The following CCSER1 variants were observed in gnomAD, a reference collection of about 807,000 sequenced individuals.
CCSER1 encodes serine-rich coiled-coil domain-containing protein 1.
A neutral mutation model predicts 82.0 loss-of-function variants in CCSER1; 41 were observed. That is an observed-to-expected ratio of 0.50 (90% CI 0.39 to 0.65). CCSER1 has a LOEUF of 0.65. Ranked by LOEUF, CCSER1 falls within the 30% of genes least tolerant of loss-of-function variation. The probability of loss-of-function intolerance (pLI) is 0.00; values close to 1 mark genes in which losing one functional copy is unlikely to be tolerated. For missense variants in CCSER1, 1,119 were observed against 1,064.2 expected, an observed-to-expected ratio of 1.05 and a Z score of -0.72; for synonymous variants, 414 against 383.9, an observed-to-expected ratio of 1.08 and a Z score of -0.92.
chr4:90,548,180 G>C (rs1476258458), intron 5 of CCSER1, among the ~76,000 whole-genome samples: 1 of 152,140 alleles, frequency 6.6e-6, no homozygotes, highest in Non-Finnish European at 1.5e-5. Flanking sequence ...GTCTGGATTT[G>C]TTAGAAAACA....
Position 90,582,727 on chromosome 4 carries a change from A to G in CCSER1, c.1725-45298A>G, listed in dbSNP as rs148539413. On this transcript the variant is annotated intron_variant, in intron 5 of 10. Coordinates refer to ENST00000509176, the MANE Select transcript of CCSER1 (RefSeq NM_001145065.2). ...AAGTAATTCAAATGCAATAATCTGT[A>G]GGAGACATGGATATTTAAAGTAACC... Among the ~76,000 whole-genome samples, 27 of 152,296 alleles carry G rather than the reference A, an allele frequency of 1.8e-4. No individual in the cohort carries two copies. In the East Asian group the frequency reaches 5.2e-3, roughly 29 times the overall value.
At chr4:90,208,970 G>T (rs937197096) in intron 1 of CCSER1, among the ~76,000 whole-genome samples, 6 of 152,160 alleles carry the variant, frequency 3.9e-5, no homozygotes, top group African/African-American at 1.4e-4. Context: ...CAGCCACCGA[G>T]TGCCAAACAT....
intron 10 of CCSER1, among the ~76,000 whole-genome samples, chr4:91,121,621 T>C (rs1727096576): frequency 6.6e-6 from 1 of 151,704 alleles, no homozygotes; most frequent in South Asian, 2.1e-4. Context: ...ATATGCACTA[T>C]TAACTTAGTA....
At chr4:90,786,204 C>T (rs1387377391) in intron 7 of CCSER1, among the ~76,000 whole-genome samples, 1 of 152,134 alleles carries the variant, frequency 6.6e-6, no homozygotes, top group Admixed American at 6.5e-5. Flanking sequence ...GGAAGCGCAA[C>T]TGAAGTGATT....
chr4:90,623,690 C>A (rs867434347), intron 5 of CCSER1, among the ~76,000 whole-genome samples: 2 of 152,274 alleles, frequency 1.3e-5, no homozygotes, highest in Non-Finnish European at 1.5e-5. Flanking sequence ...CTGATTGCAT[C>A]TCTTCTGGAA....
At chr4:90,163,192 A>G (rs1422033865) in intron 1 of CCSER1, among the ~76,000 whole-genome samples, 1 of 152,104 alleles carries the variant, frequency 6.6e-6, no homozygotes, top group Non-Finnish European at 1.5e-5. Context: ...TTGTTAGTTT[A>G]TGATGCTAAA....
intron 10 of CCSER1, among the ~76,000 whole-genome samples, chr4:91,502,697 A>G (rs1303874209): frequency 6.6e-6 from 1 of 152,244 alleles, no homozygotes; most frequent in Non-Finnish European, 1.5e-5. Context: ...TCATTGTTAA[A>G]GAATGAAATA....
At chr4:91,559,025 A>G (rs1469883264) in intron 10 of CCSER1, among the ~76,000 whole-genome samples, 1 of 151,348 alleles carries the variant, frequency 6.6e-6, no homozygotes, top group African/African-American at 2.4e-5. Context: ...AGAAGTGTCA[A>G]CTCCACATTG....
intron 7 of CCSER1, among the ~76,000 whole-genome samples, chr4:90,749,780 G>A (rs1364281932): frequency 6.6e-6 from 1 of 151,944 alleles, no homozygotes; most frequent in Non-Finnish European, 1.5e-5. Flanking sequence ...ATAGCAGCAT[G>A]ATTTACAGTC....
intron 8 of CCSER1, among the ~76,000 whole-genome samples, chr4:90,854,087 T>C (rs1388954196): frequency 6.6e-6 from 1 of 152,186 alleles, no homozygotes; most frequent in Non-Finnish European, 1.5e-5. Flanking sequence ...TACAATGAAC[T>C]GAAATATTCC....
intron 2 of CCSER1, among the ~76,000 whole-genome samples, chr4:90,310,498 A>G (rs1735105782): frequency 6.6e-6 from 1 of 152,134 alleles, no homozygotes; most frequent in Admixed American, 6.6e-5. Flanking sequence ...ATTAATTAAA[A>G]TGATTGAAAT....
chr4:91,411,748 CA>C (rs34870361), intron 10 of CCSER1, among the ~76,000 whole-genome samples: 111,435 of 144,654 alleles, frequency 0.77, 43,280 homozygotes, highest in African/African-American at 0.9. Flanking sequence ...GCTAGTGGCA[CA>C]AAAAAAAAAT....
chr4:91,179,389 A>C (rs187967404), intron 10 of CCSER1, among the ~76,000 whole-genome samples: 24 of 152,304 alleles, frequency 1.6e-4, no homozygotes, highest in African/African-American at 5.5e-4. Context: ...TAATATCCTG[A>C]AGAGTGTTTT....
At chr4:90,780,451 C>T (rs931678716) in intron 7 of CCSER1, 2 of 1,611,534 alleles carry the variant, frequency 1.2e-6, no homozygotes, top group African/African-American at 2.7e-5. Flanking sequence ...GACCACATAC[C>T]CTAGGGAATT....
intron 10 of CCSER1, among the ~76,000 whole-genome samples, chr4:91,383,207 T>C (rs964771079): frequency 2.6e-5 from 4 of 152,162 alleles, no homozygotes; most frequent in Non-Finnish European, 4.4e-5. Flanking sequence ...TGTATGCCTG[T>C]ATTGTGCATT....
intron 1 of CCSER1, among the ~76,000 whole-genome samples, chr4:90,202,210 T>C (rs956149752): frequency 3.3e-5 from 5 of 151,916 alleles, no homozygotes; most frequent in Non-Finnish European, 5.9e-5. Context: ...AACTTTTTTT[T>C]TTTTTTTGAG....
Position 91,092,254 on chromosome 4 carries a change from A to G in CCSER1, c.2217+6260A>G, listed in dbSNP as rs553229769. ...GTCCTCTGTACTAAGTCAGCCACAA[A>G]TGCTGGCCCATTTTCTGAGCCAATC... On this transcript the variant is annotated intron_variant, in intron 10 of 10. Coordinates refer to ENST00000509176, the MANE Select transcript of CCSER1 (RefSeq NM_001145065.2). Among the ~76,000 whole-genome samples the G allele has an allele frequency of 3.3e-4, 51 of 152,316 alleles. 2 individuals carry two copies. The South Asian group carries it at 0.01, about 30-fold the overall frequency.
intron 5 of CCSER1, among the ~76,000 whole-genome samples, chr4:90,572,920 C>T (rs927810650): frequency 6.6e-6 from 1 of 152,166 alleles, no homozygotes; most frequent in African/African-American, 2.4e-5. Flanking sequence ...GCATTGATGT[C>T]TGCTCATTTG....
At chr4:90,866,218 T>C (rs1381031352) in intron 8 of CCSER1, among the ~76,000 whole-genome samples, 1 of 151,946 alleles carries the variant, frequency 6.6e-6, no homozygotes, top group Non-Finnish European at 1.5e-5. Context: ...TCCTTGACAA[T>C]GGCTAGCACT....
Sources: gnomAD v4.1 joint callset for allele counts (sites outside exome capture counted in the v4.1 genomes callset) on GRCh38, gnomAD v4.1.1 for gene constraint, MANE v1.5 for transcripts, NCBI Gene and HGNC (gene_info 2026-07-23, HGNC 2026-07-21) for gene names.